Variants in HNF1B observed in about 807,000 individuals in gnomAD.
The protein encoded by HNF1B is hepatocyte nuclear factor 1-beta.
Under a neutral mutation model 61.7 loss-of-function variants are expected in HNF1B, and 8 were observed. That is an observed-to-expected ratio of 0.13 (90% confidence interval 0.08 to 0.23). HNF1B has a LOEUF of 0.23. Ranked by LOEUF, HNF1B falls within the 10% of genes least tolerant of loss-of-function variation. The pLI, the probability that HNF1B is intolerant of heterozygous loss-of-function variation, is 1.00. For synonymous variants in HNF1B, 314 were observed against 287.7 expected, an observed-to-expected ratio of 1.09 and a Z score of -0.93; for missense variants, 562 against 714.5, an observed-to-expected ratio of 0.79 and a Z score of 2.43.
At chr17:37,712,828 A>G (rs185605869) in intron 4 of HNF1B, among the ~76,000 whole-genome samples, 1 of 152,354 alleles carries the variant, frequency 6.6e-6, no homozygotes, top group Admixed American at 6.5e-5. Context: ...GCAAAATGCC[A>G]TATAAATGGC....
intron 4 of HNF1B, among the ~76,000 whole-genome samples, chr17:37,720,085 A>C: frequency 6.6e-6 from 1 of 152,186 alleles, no homozygotes; most frequent in East Asian, 1.9e-4. Flanking sequence ...AGATAGGAGC[A>C]CCAGCCAAGT....
At position 37,686,997 on chromosome 17, in the gene HNF1B, T is replaced by TCC; in HGVS notation, c.*373_*374dup. Reference sequence around the variant, plus strand: ...GTTTGGCTCAGTTCAATAGCACATGTCCTTCTCTCCTCATTTCAGTAACAG... The same window carrying TCC: ...GTTTGGCTCAGTTCAATAGCACATGTCCCCTTCTCTCCTCATTTCAGTAACAG... On this transcript the variant is annotated 3_prime_UTR_variant, in exon 9 of 9. Transcript: ENST00000617811. 2.1e-6 allele frequency: 1 copy of TCC among 483,282 alleles called. No homozygotes were observed. The highest frequency in any genetic ancestry group is 3.8e-6 in the Non-Finnish European group (1 of 263,024). The allele number at this position is 483,282 out of a possible 1,614,324, so 29.9% of individuals were successfully genotyped here.
At position 37,744,484 on chromosome 17, in the gene HNF1B, C is replaced by T. The variant is rs1373032371; in HGVS notation, c.344+57G>A. On this transcript the variant is annotated intron_variant, in intron 1 of 8. Coordinates refer to ENST00000617811, the MANE Select transcript of HNF1B (RefSeq NM_000458.4). The stretch of plus-strand genomic sequence containing the variant: ...TGGTCGGGCGCAGTGTCACTCAGGC[C>T]CGGGGCCGGGGCTCCAGGGGTTCGG... 1.3e-5 allele frequency: 21 copies of T among 1,571,334 alleles called. No homozygotes were observed. The Admixed American group carries it at 3.3e-4, about 25-fold the overall frequency.
intron 7 of HNF1B, 143 bp downstream of exon 7, chr17:37,700,840 G>C: frequency 1.3e-6 from 1 of 765,808 alleles, no homozygotes; most frequent in Non-Finnish European, 2.2e-6. Context: ...TTATGCTTGA[G>C]AAATTGTCTT....
At chr17:37,730,260 A>G (rs1384013823) in intron 4 of HNF1B, 9 of 152,680 alleles carry the variant, frequency 5.9e-5, no homozygotes, top group Non-Finnish European at 1.2e-4. Context: ...AGTGCCAGCC[A>G]TGTGCCATTT....
chr17:37,713,950 T>C (rs1208653018), intron 4 of HNF1B, among the ~76,000 whole-genome samples: 5 of 152,138 alleles, frequency 3.3e-5, no homozygotes, highest in African/African-American at 9.7e-5. Flanking sequence ...GAGAGGCCAG[T>C]CCTCCTATAT....
At chr17:37,706,377 G>A (rs1003673241) in intron 5 of HNF1B, among the ~76,000 whole-genome samples, 11 of 152,088 alleles carry the variant, frequency 7.2e-5, no homozygotes, top group African/African-American at 2.7e-4. Flanking sequence ...TGCACCAGAT[G>A]TCTGAGTAAC....
At chr17:37,743,996 CAA>C (rs1292730141) in intron 1 of HNF1B, among the ~76,000 whole-genome samples, 2 of 152,258 alleles carry the variant, frequency 1.3e-5, no homozygotes, top group Non-Finnish European at 1.5e-5. Flanking sequence ...GCGCGGCTAA[CAA>C]GAGTGCCCAC....
In HNF1B at chr17:37,731,725, C is replaced by T. The variant is rs2033692049; in HGVS notation, c.915G>A (p.Lys305=). 1 of 1,614,144 alleles carries T rather than the reference C, an allele frequency of 6.2e-7. No individual in the cohort carries two copies. Among genetic ancestry groups the T allele is most frequent in the East Asian group, 2.2e-5 (1 of 44,864 alleles). The part of the protein sequence containing the change: ...RVYNWFANRR[K]EEAFRQKLAM... The stretch of plus-strand genomic sequence containing the variant: ...CCAGCTTTTGCCGGAATGCCTCCTC[C>T]TTCCTGCGGTTTGCAAACCAGTTGT... Residue 305 remains lysine, a synonymous_variant, in exon 4 of 9, where the codon AAG becomes AAA. Coordinates refer to ENST00000617811, the MANE Select transcript of HNF1B (RefSeq NM_000458.4).
chr17:37,713,740 T>G (rs1416053084), intron 4 of HNF1B, among the ~76,000 whole-genome samples: 1 of 152,170 alleles, frequency 6.6e-6, no homozygotes, highest in East Asian at 1.9e-4. Context: ...GTCACAGCAG[T>G]GTGATGGGAG....
chr17:37,742,549 G>A (rs905402585), intron 1 of HNF1B, among the ~76,000 whole-genome samples: 7 of 152,082 alleles, frequency 4.6e-5, no homozygotes, highest in Non-Finnish European at 8.8e-5. Context: ...AATCAAGTCC[G>A]GCGCTCCCGG....
Position 37,731,847 on chromosome 17 carries a change from G to A in HNF1B, c.810-17C>T, listed in dbSNP as rs759382717. On this transcript the variant is annotated splice_polypyrimidine_tract_variant and intron_variant, in intron 3 of 8. Coordinates refer to ENST00000617811, the MANE Select transcript of HNF1B (RefSeq NM_000458.4). Reference sequence around the variant, plus strand: ...CATTCTGCCCTGGGAATGGATGGAGGGGAGATGGTGAGTGAGGGGGGGCGG... The same window carrying A: ...CATTCTGCCCTGGGAATGGATGGAGAGGAGATGGTGAGTGAGGGGGGGCGG... The A allele has an allele frequency of 1.3e-6, 2 of 1,578,164 alleles. No homozygotes were observed. The highest frequency in any genetic ancestry group is 2.7e-5 in the African/African-American group (2 of 74,214).
chr17:37,739,343 C>T, intron 2 of HNF1B, 97 bp downstream of exon 2: 1 of 1,146,796 alleles, frequency 8.7e-7, no homozygotes, highest in East Asian at 2.3e-5. Flanking sequence ...CAAGTGCTCA[C>T]AAGGCCTTGT....
chr17:37,744,524 C>T lies in HNF1B; in HGVS notation c.344+17G>A. 6.3e-7 allele frequency: 1 copy of T among 1,599,944 alleles called. No homozygotes were observed. Among genetic ancestry groups the T allele is most frequent in the Non-Finnish European group, 8.5e-7 (1 of 1,179,562 alleles). Reference sequence around the variant, plus strand: ...CAGGGGTTCGGGTGGGTCCCCTCCACCTCGCTCTGCGCCTACCTGAGCATC... The same window carrying T: ...CAGGGGTTCGGGTGGGTCCCCTCCATCTCGCTCTGCGCCTACCTGAGCATC... On this transcript the variant is annotated intron_variant, in intron 1 of 8. Coordinates refer to ENST00000617811, the MANE Select transcript of HNF1B (RefSeq NM_000458.4).
At chr17:37,697,460 G>A (rs561629885) in intron 8 of HNF1B, among the ~76,000 whole-genome samples, 3 of 152,202 alleles carry the variant, frequency 2.0e-5, no homozygotes, top group South Asian at 2.1e-4. Context: ...GCATCTTAAA[G>A]TATTTTGATT....
intron 8 of HNF1B, 96 bp from the exon 9 acceptor site, chr17:37,687,488 A>C (rs1169814406): frequency 1.1e-6 from 1 of 935,148 alleles, no homozygotes; most frequent in African/African-American, 1.6e-5. Context: ...TGCCCAACTC[A>C]ACCAGCAAAG....
intron 4 of HNF1B, among the ~76,000 whole-genome samples, chr17:37,725,726 G>C (rs2033473449): frequency 1.3e-5 from 2 of 152,212 alleles, no homozygotes; most frequent in African/African-American, 4.8e-5. Flanking sequence ...TTACCGTGAG[G>C]AACTTTGCTG....
At chr17:37,702,603 A>G (rs1317679220) in intron 6 of HNF1B, among the ~76,000 whole-genome samples, 3 of 152,180 alleles carry the variant, frequency 2.0e-5, no homozygotes, top group African/African-American at 7.2e-5. Context: ...TTTTTGAGAA[A>G]TCTTTGAGAG....
intron 4 of HNF1B, among the ~76,000 whole-genome samples, chr17:37,718,734 C>T (rs766941620): frequency 6.6e-6 from 1 of 152,232 alleles, no homozygotes; most frequent in African/African-American, 2.4e-5. Flanking sequence ...CCCATGAGGG[C>T]AGGACCTTGT....
Sources: gnomAD v4.1 joint callset for allele counts (sites outside exome capture counted in the v4.1 genomes callset) on GRCh38, gnomAD v4.1.1 for gene constraint, MANE v1.5 for transcripts, NCBI Gene and HGNC (gene_info 2026-07-23, HGNC 2026-07-21) for gene names.